IFFO1: variants seen among roughly 807,000 people sequenced by gnomAD.
The protein encoded by IFFO1 is intermediate filament family orphan 1, also known as non-homologous end joining factor IFFO1.
A neutral mutation model predicts 59.6 loss-of-function variants in IFFO1; 42 were observed. The ratio of observed to expected loss-of-function variants is 0.70; its 90% CI spans 0.55 to 0.91. The LOEUF (loss-of-function observed/expected upper bound fraction) is 0.91, where lower values mean the gene tolerates loss of function less well. Among genes scored for constraint, IFFO1 ranks in the 40% least tolerant of loss-of-function variants. The pLI is 0.00. For missense variants in IFFO1, 711 were observed against 793.2 expected (o/e 0.90, Z 1.24); for synonymous variants, 336 against 342.8 (o/e 0.98, Z 0.22).
chr12:6,555,171 C>A lies in IFFO1; in HGVS notation c.773+86G>T. On this transcript the variant is annotated intron_variant, in intron 1 of 9. Transcript: ENST00000619571. The surrounding 1 kb of genome is among the most constrained non-coding windows in gnomAD (Gnocchi z 8.6). ...AAACTTTACTCTCATTCTTTTCACC[C>A]CTGATTCTTCGGAACCCACACCAAC... 7.5e-7 allele frequency: 1 copy of A among 1,341,736 alleles called. No homozygotes were observed. The highest frequency in any genetic ancestry group is 2.3e-5 in the East Asian group (1 of 43,592). The allele number at this position is 1,341,736 out of a possible 1,614,324, so 83.1% of individuals were successfully genotyped here.
At chr12:6,544,165 C>CT (rs531995265) in intron 8 of IFFO1, among the ~76,000 whole-genome samples, 214 of 136,676 alleles carry the variant, frequency 1.6e-3, no homozygotes, top group Middle Eastern at 7.4e-3. Context: ...TTTGAAAATA[C>CT]TTTTTTTTTT....
chr12:6,551,069 TCC>T, intron 1 of IFFO1, 68 bp from the exon 2 acceptor site: 1 of 1,487,566 alleles, frequency 6.7e-7, no homozygotes, highest in Non-Finnish European at 9.4e-7. Flanking sequence ...TGGCTCCCTG[TCC>T]CCACCTCTCT....
Position 6,548,278 on chromosome 12 carries a change from A to G in IFFO1, c.1384-118T>C. On this transcript the variant is annotated intron_variant, in intron 7 of 9. Transcript: ENST00000619571. This position sits in a 1 kb window ranked among gnomAD's most constrained non-coding sequence, Gnocchi z 6.1. ...AAGTCTGGTTAAAGAAACTGGAGAA[A>G]GAAAAGCAAAAGGATAAAGGAAGAG... is the stretch of plus-strand genomic sequence containing the variant. The G allele has an allele frequency of 3.7e-6, 5 of 1,359,424 alleles. No individual in the cohort carries two copies. Among genetic ancestry groups the G allele is most frequent in the Non-Finnish European group, 5.2e-6 (5 of 957,284 alleles). 84.2% of individuals were successfully genotyped at this position (1,359,424 alleles called of 1,614,324 possible). A position where few individuals can be genotyped will look rare whatever the true frequency, so the allele number is the denominator to read the frequency against.
chr12:6,553,017 A>G (rs1026376199), intron 1 of IFFO1, among the ~76,000 whole-genome samples: 3 of 152,166 alleles, frequency 2.0e-5, no homozygotes, highest in Non-Finnish European at 4.4e-5. Context: ...GGGGGCTCAA[A>G]AAAAGGTCAC....
intron 3 of IFFO1, chr12:6,550,371 C>T (rs1947179298): frequency 2.2e-6 from 1 of 458,066 alleles, no homozygotes; most frequent in African/African-American, 1.9e-5. Flanking sequence ...GTTTATTTCC[C>T]CACGCCAAAG....
chr12:6,551,426 C>T (rs946660726), intron 1 of IFFO1: 5 of 1,298,656 alleles, frequency 3.9e-6, no homozygotes, highest in East Asian at 5.4e-5. Flanking sequence ...GGGCTCCCGC[C>T]TCCTGCCCGC....
At position 6,541,923 on chromosome 12, in the gene IFFO1, T is replaced by C. The variant is rs1465722409; in HGVS notation, c.1480-281A>G. On this transcript the variant is annotated intron_variant, in intron 8 of 9. Transcript: ENST00000619571. The surrounding 1 kb of genome is among the most constrained non-coding windows in gnomAD (Gnocchi z 4.8). ...AGACTGATAAGAGTGGTGAGGAAAG[T>C]CAGTGTGGGCGGGATGGAGCAGATC... is the stretch of plus-strand genomic sequence containing the variant. 6.6e-6 allele frequency among the ~76,000 whole-genome samples: 1 copy of C among 152,124 alleles called. No individual in the cohort carries two copies. The highest frequency in any genetic ancestry group is 2.4e-5 in the African/African-American group (1 of 41,428).
Position 6,541,986 on chromosome 12 carries a change from C to T in IFFO1, c.1480-344G>A, listed in dbSNP as rs1424733534. 2.0e-5 allele frequency among the ~76,000 whole-genome samples: 3 copies of T among 152,262 alleles called. No homozygotes were observed. The highest frequency in any genetic ancestry group is 1.9e-4 in the East Asian group (1 of 5,172). On this transcript the variant is annotated intron_variant, in intron 8 of 9. Coordinates refer to ENST00000619571, the MANE Select transcript of IFFO1 (RefSeq NM_001193457.2). The surrounding 1 kb of genome is among the most constrained non-coding windows in gnomAD (Gnocchi z 4.8). ...GGGCCACACAGGTTCCTATGGGGCC[C>T]GGCTCACCCCTCATCCCCTGTACTG...
intron 9 of IFFO1, 21 bp from the exon 10 acceptor site, chr12:6,540,609 T>C (rs1232742707): frequency 6.2e-7 from 1 of 1,600,480 alleles, no homozygotes; most frequent in Admixed American, 1.7e-5. Context: ...ACACCAGTTG[T>C]CAACCTTGGG....
chr12:6,552,077 G>A (rs137863705), intron 1 of IFFO1, among the ~76,000 whole-genome samples: 1 of 152,176 alleles, frequency 6.6e-6, no homozygotes, highest in South Asian at 2.1e-4. Context: ...GAGGGGAACT[G>A]CACCAAGAGA....
Position 6,540,140 on chromosome 12 carries a change from G to A in IFFO1, c.*343C>T, listed in dbSNP as rs1271801899. 2.6e-6 allele frequency: 1 copy of A among 391,980 alleles called. No individual in the cohort carries two copies. Among genetic ancestry groups the A allele is most frequent in the East Asian group, 5.9e-5 (1 of 16,958 alleles). The allele number at this position is 391,980 out of a possible 1,614,324, so 24.3% of individuals were successfully genotyped here. A position where few individuals can be genotyped will look rare whatever the true frequency, so the allele number is the denominator to read the frequency against. ...CTCCGGACAACAGGGATGGAGGAAAGGTCCCACATTCACATTCCTGATACG... is the reference window on the plus strand; with the variant it reads ...CTCCGGACAACAGGGATGGAGGAAAAGTCCCACATTCACATTCCTGATACG... On this transcript the variant is annotated 3_prime_UTR_variant, in exon 10 of 10. Transcript: ENST00000619571.
chr12:6,548,390 A>C lies in IFFO1; in HGVS notation c.1383+35T>G. 6.3e-7 allele frequency: 1 copy of C among 1,584,062 alleles called. No homozygotes were observed. The highest frequency in any genetic ancestry group is 8.6e-7 in the Non-Finnish European group (1 of 1,165,616). On this transcript the variant is annotated intron_variant, in intron 7 of 9. Coordinates refer to ENST00000619571, the MANE Select transcript of IFFO1 (RefSeq NM_001193457.2). The surrounding 1 kb of genome is among the most constrained non-coding windows in gnomAD (Gnocchi z 6.1). ...AGTGGGCTTCAGGCTGGAGAGGCAGAGCCAGAGGGCCCTGAGGCCGGGAGC... is the reference window on the plus strand; with the variant it reads ...AGTGGGCTTCAGGCTGGAGAGGCAGCGCCAGAGGGCCCTGAGGCCGGGAGC...
intron 8 of IFFO1, among the ~76,000 whole-genome samples, chr12:6,547,384 G>A (rs1055902780): frequency 1.4e-5 from 2 of 147,604 alleles, no homozygotes; most frequent in African/African-American, 5.1e-5. Context: ...GCAAGACCCT[G>A]TCTCAAAAAA....
chr12:6,552,453 A>AC (rs1243254415), intron 1 of IFFO1, among the ~76,000 whole-genome samples: 2 of 152,158 alleles, frequency 1.3e-5, no homozygotes, highest in African/African-American at 4.8e-5. Flanking sequence ...ATTCTCATGC[A>AC]TACAGTCAGG....
rs749540109 is a variant in IFFO1, at chr12:6,540,433, C to T, written c.*50G>A. 6 of 1,457,720 alleles carry T rather than the reference C, an allele frequency of 4.1e-6. No individual in the cohort carries two copies. Among genetic ancestry groups the T allele is most frequent in the East Asian group, 2.3e-5 (1 of 44,154 alleles). 90.3% of individuals were successfully genotyped at this position (1,457,720 alleles called of 1,614,324 possible). On this transcript the variant is annotated 3_prime_UTR_variant, in exon 10 of 10. Transcript: ENST00000619571. The stretch of plus-strand genomic sequence containing the variant: ...CTCTGTGCAGCCCCACCCTCTGCCT[C>T]GCTGAGCTCCCTGCTGCGAGGGCCT...
At position 6,555,526 on chromosome 12, in the gene IFFO1, C is replaced by T. The variant is rs1437117217; in HGVS notation, c.504G>A (p.Ala168=). 13 of 1,562,098 alleles carry T rather than the reference C, an allele frequency of 8.3e-6. No homozygotes were observed. The highest frequency in any genetic ancestry group is 1.1e-5 in the Non-Finnish European group (13 of 1,155,904). ...ACGACGAGAGGCTGGCCGCGGAGGG[C>T]GCGAGGGGGCCGGCCGGGGAGCGCG... The part of the protein sequence containing the change: ...SPARSPAGPL[A]PSAASLSSSS... Residue 168 remains alanine, a synonymous_variant, in exon 1 of 10, where the codon GCG becomes GCA. Coordinates refer to ENST00000619571, the MANE Select transcript of IFFO1 (RefSeq NM_001193457.2). This position sits in a 1 kb window ranked among gnomAD's most constrained non-coding sequence, Gnocchi z 8.6.
Position 6,549,811 on chromosome 12 carries a change from T to C in IFFO1, c.1016A>G (p.Lys339Arg), listed in dbSNP as rs776723049. 1.9e-6 allele frequency: 3 copies of C among 1,614,094 alleles called. No homozygotes were observed. The Admixed American group carries it at 5.0e-5, about 27-fold the overall frequency. ...GCGCTGCTGAGCCACATCGCAGAGCTTGGCGGTGATGTCGATGCGGCGGCA... is the reference window on the plus strand; with the variant it reads ...GCGCTGCTGAGCCACATCGCAGAGCCTGGCGGTGATGTCGATGCGGCGGCA... ...DICRRIDITA[K>R]LCDVAQQRNC... The change falls in exon 4 of 10, where the codon AAG becomes AGG. Residue 339 changes from lysine to arginine, a missense_variant. Lys to Arg is a conservative substitution (Grantham distance 26). Coordinates refer to ENST00000619571, the MANE Select transcript of IFFO1 (RefSeq NM_001193457.2). The surrounding 1 kb of genome is among the most constrained non-coding windows in gnomAD (Gnocchi z 5.0).
At position 6,552,185 on chromosome 12, in the gene IFFO1, C is replaced by T. The variant is rs1294095376; in HGVS notation, c.774-1184G>A. On this transcript the variant is annotated intron_variant, in intron 1 of 9. Coordinates refer to ENST00000619571, the MANE Select transcript of IFFO1 (RefSeq NM_001193457.2). ...AGCTTCTGAAGCCTTGGGTGAAGCC[C>T]TTTCTTCCCCTTCCCTCCATCTTCC... 2.0e-5 allele frequency among the ~76,000 whole-genome samples: 3 copies of T among 152,192 alleles called. No homozygotes were observed. The East Asian group carries it at 5.8e-4, about 29-fold the overall frequency.
intron 8 of IFFO1, among the ~76,000 whole-genome samples, chr12:6,547,389 A>G (rs2136115876): frequency 7.4e-6 from 1 of 135,044 alleles, no homozygotes; most frequent in East Asian, 2.4e-4. Context: ...ACCCTGTCTC[A>G]AAAAAAGAAA....
Sources: gnomAD v4.1 joint callset for allele counts (sites outside exome capture counted in the v4.1 genomes callset) on GRCh38, gnomAD v4.1.1 for gene constraint, Gnocchi (gnomAD v3.1) non-coding constraint, MANE v1.5 for transcripts, NCBI Gene and HGNC (gene_info 2026-07-23, HGNC 2026-07-21) for gene names.